CNTNAP2: variants seen among roughly 807,000 people sequenced by gnomAD.
The protein encoded by CNTNAP2 is contactin associated protein 2.
Under a neutral mutation model 155.2 loss-of-function variants are expected in CNTNAP2, and 98 were observed. The observed-to-expected ratio is 0.63, with a 90% CI of 0.54 to 0.75. The LOEUF (loss-of-function observed/expected upper bound fraction) is 0.75. CNTNAP2 is among the 30% of genes least tolerant of loss of function. The pLI is 0.00. For synonymous variants in CNTNAP2, 651 were observed against 631.2 expected, an observed-to-expected ratio of 1.03 and a Z score of -0.47; for missense variants, 1,727 against 1,688.1, an observed-to-expected ratio of 1.02 and a Z score of -0.40.
chr7:146,651,244 T>G (rs1189739581), intron 1 of CNTNAP2, among the ~76,000 whole-genome samples: 4 of 152,072 alleles, frequency 2.6e-5, no homozygotes, highest in Admixed American at 2.0e-4. Flanking sequence ...GCACAAGAAA[T>G]GTGTGTGTTG....
chr7:146,842,227 G>A (rs563587577), intron 3 of CNTNAP2, among the ~76,000 whole-genome samples: 2 of 151,934 alleles, frequency 1.3e-5, no homozygotes, highest in African/African-American at 2.4e-5. Context: ...TGGTTGAGTC[G>A]GGGAGACAAG....
At chr7:146,760,820 C>G (rs1413445690) in intron 1 of CNTNAP2, among the ~76,000 whole-genome samples, 1 of 151,994 alleles carries the variant, frequency 6.6e-6, no homozygotes, top group African/African-American at 2.4e-5. Context: ...TTTGTTTCTT[C>G]TAAAATATAG....
At chr7:146,586,388 A>G (rs964768534) in intron 1 of CNTNAP2, among the ~76,000 whole-genome samples, 1 of 152,200 alleles carries the variant, frequency 6.6e-6, no homozygotes, top group African/African-American at 2.4e-5. Context: ...TACAAACCCC[A>G]CCAAAATCTC....
chr7:146,376,496 C>G (rs1418271164), intron 1 of CNTNAP2, among the ~76,000 whole-genome samples: 4 of 152,092 alleles, frequency 2.6e-5, no homozygotes, highest in Admixed American at 2.0e-4. Context: ...CAGTTTCCCT[C>G]ATTTTTTGGC....
At chr7:147,560,512 T>C (rs1584813871) in intron 11 of CNTNAP2, among the ~76,000 whole-genome samples, 1 of 152,164 alleles carries the variant, frequency 6.6e-6, no homozygotes, top group Non-Finnish European at 1.5e-5. Flanking sequence ...CCTTGGGACA[T>C]TGAAAGTGGG....
At chr7:146,180,018 G>T (rs1027608925) in intron 1 of CNTNAP2, among the ~76,000 whole-genome samples, 4 of 152,134 alleles carry the variant, frequency 2.6e-5, no homozygotes, top group African/African-American at 9.7e-5. Flanking sequence ...CAGTTAAACA[G>T]GATTTCACTC....
At chr7:148,344,722 G>A (rs1047289034) in intron 21 of CNTNAP2, among the ~76,000 whole-genome samples, 1 of 152,074 alleles carries the variant, frequency 6.6e-6, no homozygotes, top group Non-Finnish European at 1.5e-5. Context: ...GGTAAATAAG[G>A]GGATCAAAAT....
chr7:146,971,179 C>T (rs1391629038), intron 3 of CNTNAP2, among the ~76,000 whole-genome samples: 1 of 151,140 alleles, frequency 6.6e-6, no homozygotes, highest in Non-Finnish European at 1.5e-5. Flanking sequence ...GCACATTGGT[C>T]ACATGTACCC....
At chr7:146,228,271 A>G (rs958418070) in intron 1 of CNTNAP2, among the ~76,000 whole-genome samples, 6 of 152,220 alleles carry the variant, frequency 3.9e-5, no homozygotes, top group African/African-American at 1.4e-4. Context: ...TTAGTGGCCT[A>G]AACACCTTGT....
At chr7:146,787,529 G>C (rs1209629201) in intron 2 of CNTNAP2, among the ~76,000 whole-genome samples, 2 of 152,096 alleles carry the variant, frequency 1.3e-5, no homozygotes, top group African/African-American at 4.8e-5. Flanking sequence ...TGGTCTCCCT[G>C]GCCTCAGGAG....
chr7:148,256,775 G>A (rs894122814), intron 20 of CNTNAP2, among the ~76,000 whole-genome samples: 10 of 152,060 alleles, frequency 6.6e-5, no homozygotes, highest in Admixed American at 2.6e-4. Context: ...CTCTTGGACC[G>A]GAGAGCCCCC....
chr7:147,312,642 T>G (rs1478202562), intron 9 of CNTNAP2, among the ~76,000 whole-genome samples: 1 of 110,662 alleles, frequency 9.0e-6, no homozygotes, highest in African/African-American at 4.3e-5. Flanking sequence ...GTGCCACATT[T>G]TCTTAATCCA....
chr7:148,141,027 C>G (rs1805061632), intron 16 of CNTNAP2, among the ~76,000 whole-genome samples: 1 of 152,174 alleles, frequency 6.6e-6, no homozygotes, highest in Non-Finnish European at 1.5e-5. Flanking sequence ...ATTCCAGGAC[C>G]ACTTGCGTCA....
chr7:146,999,679 C>G (rs767746743), intron 3 of CNTNAP2, among the ~76,000 whole-genome samples: 1 of 151,904 alleles, frequency 6.6e-6, no homozygotes, highest in Non-Finnish European at 1.5e-5. Context: ...CAGTTTTTTC[C>G]CCCAGCACTT....
Position 148,308,384 on chromosome 7 carries a change from A to G in CNTNAP2, c.3475+41258A>G, listed in dbSNP as rs906525823. On this transcript the variant is annotated intron_variant, in intron 21 of 23. Coordinates refer to ENST00000361727, the MANE Select transcript of CNTNAP2 (RefSeq NM_014141.6). Reference sequence around the variant, plus strand: ...AATCAACTGTATTCTCAACAACTACAGAAAGCTTAACCAATGATTTGTCCG... The same window carrying G: ...AATCAACTGTATTCTCAACAACTACGGAAAGCTTAACCAATGATTTGTCCG... 2.0e-5 allele frequency among the ~76,000 whole-genome samples: 3 copies of G among 152,106 alleles called. No homozygotes were observed. In the South Asian group the frequency reaches 6.2e-4, roughly 32 times the overall value.
Position 148,177,898 on chromosome 7 carries a change from T to TTG in CNTNAP2, c.3010+5421_3010+5422insGT, listed in dbSNP as rs1171292962. The stretch of plus-strand genomic sequence containing the variant: ...ATACAAGAATTGAACAGACACTGTT[T>TTG]TTTTTTTTTTGCTACATCTAGGTGT... On this transcript the variant is annotated intron_variant, in intron 18 of 23. Transcript: ENST00000361727. Among the ~76,000 whole-genome samples, 3 of 151,650 alleles carry TTG rather than the reference T, an allele frequency of 2.0e-5. No individual in the cohort carries two copies. In the South Asian group the frequency reaches 6.2e-4, roughly 32 times the overall value.
intron 1 of CNTNAP2, among the ~76,000 whole-genome samples, chr7:146,441,190 T>A (rs1166817647): frequency 6.6e-6 from 1 of 151,600 alleles, no homozygotes; most frequent in African/African-American, 2.4e-5. Flanking sequence ...TATAAACATA[T>A]GTAATGAGTG....
chr7:147,932,790 C>A (rs1800529801), intron 14 of CNTNAP2, among the ~76,000 whole-genome samples: 1 of 152,066 alleles, frequency 6.6e-6, no homozygotes, highest in Non-Finnish European at 1.5e-5. Flanking sequence ...TAGAATGAGA[C>A]AAAATATTTG....
intron 4 of CNTNAP2, among the ~76,000 whole-genome samples, chr7:147,073,098 C>T (rs543296531): frequency 5.5e-5 from 8 of 145,910 alleles, no homozygotes; most frequent in African/African-American, 1.5e-4. Flanking sequence ...ATGATCCACC[C>T]GCCTCGGCCT....
Sources: allele counts gnomAD v4.1 joint callset (sites outside exome capture counted in the v4.1 genomes callset), GRCh38; gene constraint gnomAD v4.1.1; transcripts MANE v1.5; gene names NCBI Gene and HGNC (gene_info 2026-07-23, HGNC 2026-07-21).